The following ITGBL1 variants were observed in gnomAD, a reference collection of about 807,000 sequenced individuals.
The protein encoded by ITGBL1 is integrin subunit beta like 1, also known as integrin beta-like protein 1.
In ITGBL1, 51 loss-of-function variants were observed where a neutral mutation model predicts 68.5. That is an observed-to-expected ratio of 0.74 (90% confidence interval 0.59 to 0.94). ITGBL1 has a LOEUF of 0.94. ITGBL1 is among the 40% of genes least tolerant of loss of function. The pLI, the probability that ITGBL1 is intolerant of heterozygous loss-of-function variation, is 0.00. For missense variants in ITGBL1, 649 were observed against 647.4 expected, an observed-to-expected ratio of 1.00 and a Z score of -0.03; for synonymous variants, 209 against 227.3, an observed-to-expected ratio of 0.92 and a Z score of 0.72.
At chr13:101,675,482 C>G (rs1373561984) in intron 7 of ITGBL1, among the ~76,000 whole-genome samples, 2 of 152,088 alleles carry the variant, frequency 1.3e-5, no homozygotes, top group Non-Finnish European at 2.9e-5. Flanking sequence ...GGCGTCTTTC[C>G]TTGTCTTGTA....
chr13:101,533,256 C>G (rs2049513365), intron 2 of ITGBL1, among the ~76,000 whole-genome samples: 1 of 152,180 alleles, frequency 6.6e-6, no homozygotes, highest in East Asian at 1.9e-4. Flanking sequence ...CTGGAAGAGC[C>G]AGACCCACCT....
At chr13:101,588,297 TTG>T (rs10661136) in intron 6 of ITGBL1, among the ~76,000 whole-genome samples, 15 of 149,666 alleles carry the variant, frequency 1.0e-4, no homozygotes, top group African/African-American at 3.2e-4. Context: ...TATTCTTCCA[TTG>T]TGTGTGTGTG....
At chr13:101,692,791 C>T in intron 8 of ITGBL1, 90 bp downstream of exon 8, 1 of 819,696 alleles carries the variant, frequency 1.2e-6, no homozygotes, top group South Asian at 1.4e-5. Flanking sequence ...TTTTCAATTG[C>T]TGTTAAAAAT....
chr13:101,554,107 C>A (rs937964822), intron 2 of ITGBL1, among the ~76,000 whole-genome samples: 1 of 152,102 alleles, frequency 6.6e-6, no homozygotes, highest in Non-Finnish European at 1.5e-5. Context: ...GGATAACAGT[C>A]ATATCAGATT....
intron 8 of ITGBL1, among the ~76,000 whole-genome samples, chr13:101,701,008 C>T (rs1479229947): frequency 6.6e-6 from 1 of 152,140 alleles, no homozygotes; most frequent in African/African-American, 2.4e-5. Flanking sequence ...GCCTATTTTA[C>T]TTACTGTTAT....
chr13:101,544,486 G>T (rs9557696), intron 2 of ITGBL1, among the ~76,000 whole-genome samples: 32,055 of 152,178 alleles, frequency 0.21, 3,834 homozygotes, highest in East Asian at 0.45. Flanking sequence ...CTCCCAGCTA[G>T]GCTCCTCGGG....
At chr13:101,476,955 A>T (rs2048546571) in intron 2 of ITGBL1, among the ~76,000 whole-genome samples, 1 of 152,186 alleles carries the variant, frequency 6.6e-6, no homozygotes, top group African/African-American at 2.4e-5. Context: ...CAGAAAATCA[A>T]CAAAGAAACA....
rs1358796643 is a variant in ITGBL1, at chr13:101,611,276, A to G, written c.1015+12977A>G. Among the ~76,000 whole-genome samples the G allele has an allele frequency of 2.0e-5, 3 of 152,192 alleles. No homozygotes were observed. In the East Asian group the frequency reaches 5.8e-4, roughly 29 times the overall value. ...TGCCCATCCATTGGGTCATTGCTAA[A>G]ATGCCAAGTTTTATTTAACTGAATT... On this transcript the variant is annotated intron_variant, in intron 7 of 10. Transcript: ENST00000376180.
Position 101,598,296 on chromosome 13 carries a change from AG to A in ITGBL1, c.1015+1del. 6.2e-7 allele frequency: 1 copy of A among 1,608,084 alleles called. No homozygotes were observed. Among genetic ancestry groups the A allele is most frequent in the Non-Finnish European group, 8.5e-7 (1 of 1,177,380 alleles). On this transcript the variant is annotated frameshift_variant and splice_region_variant, in exon 7 of 11. Coordinates refer to ENST00000376180, the MANE Select transcript of ITGBL1 (RefSeq NM_004791.3). LOFTEE classifies it high-confidence loss of function. Reference sequence around the variant, plus strand: ...AAGCTCGGATCTGCCTTGCTCTGGGAGGGGTAAGTGAGGTCTCTCAGGGCTT... The same window carrying A: ...AAGCTCGGATCTGCCTTGCTCTGGGAGGGTAAGTGAGGTCTCTCAGGGCTT... The part of the protein sequence containing the change: ...QGSSDLPCSG[R>X]GKCECGKCTC...
At chr13:101,577,308 C>T (rs1594900584) in intron 4 of ITGBL1, among the ~76,000 whole-genome samples, 1 of 152,174 alleles carries the variant, frequency 6.6e-6, no homozygotes, top group African/African-American at 2.4e-5. Flanking sequence ...TTTTCTTGCT[C>T]TATCAGTTTG....
chr13:101,571,997 G>C (rs759188490), intron 3 of ITGBL1, among the ~76,000 whole-genome samples: 7 of 152,028 alleles, frequency 4.6e-5, no homozygotes, highest in Non-Finnish European at 8.8e-5. Flanking sequence ...TATTTTTGGA[G>C]GTGTGTATTC....
chr13:101,692,822 T>C (rs1294483675), intron 8 of ITGBL1, 121 bp downstream of exon 8: 11 of 722,912 alleles, frequency 1.5e-5, no homozygotes, highest in Middle Eastern at 3.3e-4. Context: ...GAAAGCAATA[T>C]ACCATTGAAC....
chr13:101,706,643 A>T lies in ITGBL1; in HGVS notation c.1133-113A>T, dbSNP rs2034269292. On this transcript the variant is annotated intron_variant, in intron 8 of 10. Transcript: ENST00000376180. ...CCAAATTGACTATGCATAAAGAAGAATGTGTTGGATGGGAAATGAGATCCT... is the reference window on the plus strand; with the variant it reads ...CCAAATTGACTATGCATAAAGAAGATTGTGTTGGATGGGAAATGAGATCCT... 3.8e-6 allele frequency: 4 copies of T among 1,050,410 alleles called. No homozygotes were observed. In the Admixed American group the frequency reaches 1.1e-4, roughly 30 times the overall value. 65.1% of individuals were successfully genotyped at this position (1,050,410 alleles called of 1,614,324 possible).
chr13:101,490,991 G>T (rs2048767798), intron 2 of ITGBL1, among the ~76,000 whole-genome samples: 1 of 152,166 alleles, frequency 6.6e-6, no homozygotes, highest in South Asian at 2.1e-4. Context: ...GACACACATT[G>T]TGTGTGTAAT....
chr13:101,462,856 T>C (rs2048335800), intron 2 of ITGBL1, among the ~76,000 whole-genome samples: 1 of 152,208 alleles, frequency 6.6e-6, no homozygotes, highest in Non-Finnish European at 1.5e-5. Context: ...GTGCTGCGAT[T>C]ACAAGCGTGA....
downstream of ITGBL1, chr13:101,720,006 T>C (rs1437554112): frequency 6.6e-6 from 1 of 152,144 alleles, no homozygotes; most frequent in African/African-American, 2.4e-5. Flanking sequence ...TATTGGTGAG[T>C]AATGCAATGC....
chr13:101,555,222 T>C (rs1330962630), intron 2 of ITGBL1, among the ~76,000 whole-genome samples: 3 of 152,242 alleles, frequency 2.0e-5, no homozygotes, highest in Non-Finnish European at 4.4e-5. Flanking sequence ...CTTTTTTGAT[T>C]ACACATCAAA....
At chr13:101,483,842 T>A (rs1460350986) in intron 2 of ITGBL1, among the ~76,000 whole-genome samples, 1 of 152,210 alleles carries the variant, frequency 6.6e-6, no homozygotes, top group African/African-American at 2.4e-5. Flanking sequence ...AAAGGCTAAT[T>A]AAAGGCTTTG....
chr13:101,571,243 G>A (rs1205438498), intron 3 of ITGBL1, among the ~76,000 whole-genome samples: 1 of 152,020 alleles, frequency 6.6e-6, no homozygotes, highest in African/African-American at 2.4e-5. Context: ...TAGAAGTGCT[G>A]CAGACACACC....
Sources: allele counts gnomAD v4.1 joint callset (sites outside exome capture counted in the v4.1 genomes callset), GRCh38; gene constraint gnomAD v4.1.1; transcripts MANE v1.5; gene names NCBI Gene and HGNC (gene_info 2026-07-23, HGNC 2026-07-21).